HSD17B11: variants seen among roughly 807,000 people sequenced by gnomAD.
HSD17B11 encodes the protein hydroxysteroid 17-beta dehydrogenase 11, also known as estradiol 17-beta-dehydrogenase 11.
In HSD17B11, 22 loss-of-function variants were observed where a neutral mutation model predicts 27.8. The observed-to-expected ratio is 0.79, with a 90% CI of 0.56 to 1.13. The LOEUF is 1.13. HSD17B11 is among the 50% of genes most tolerant of loss of function. HSD17B11 has a pLI of 0.00. For synonymous variants in HSD17B11, 117 were observed against 132.8 expected, an observed-to-expected ratio of 0.88 and a Z score of 0.82; for missense variants, 314 against 351.1, an observed-to-expected ratio of 0.89 and a Z score of 0.84.
At chr4:87,344,741 C>T (rs936031866) in intron 5 of HSD17B11, among the ~76,000 whole-genome samples, 4 of 152,178 alleles carry the variant, frequency 2.6e-5, no homozygotes, top group Non-Finnish European at 5.9e-5. Context: ...GTAGACCATA[C>T]ATCAGACCAC....
At chr4:87,355,905 AAAAAAAC>A (rs1195865114) in intron 5 of HSD17B11, among the ~76,000 whole-genome samples, 3 of 114,336 alleles carry the variant, frequency 2.6e-5, no homozygotes, top group South Asian at 5.8e-4. Context: ...CCCTGTCTCA[AAAAAAAC>A]AAAAAACAAA....
intron 2 of HSD17B11, among the ~76,000 whole-genome samples, chr4:87,378,940 ATATATATT>A (rs1403300903): frequency 2.9e-4 from 5 of 17,244 alleles, no homozygotes; most frequent in African/African-American, 1.3e-3. Context: ...ATATATATAT[ATATATATT>A]TATATATATA....
intron 6 of HSD17B11, 123 bp from the exon 7 acceptor site, chr4:87,337,489 A>C: frequency 1.6e-6 from 1 of 616,488 alleles, no homozygotes. Context: ...AAGATTAAGC[A>C]TCTTAAATCT....
At chr4:87,380,856 T>A (rs1578046744) in intron 2 of HSD17B11, among the ~76,000 whole-genome samples, 3 of 83,042 alleles carry the variant, frequency 3.6e-5, no homozygotes, top group South Asian at 4.4e-4. Flanking sequence ...AGAGCTAGAC[T>A]CTATCTCAAA....
chr4:87,386,732 CT>C (rs1393672618), intron 1 of HSD17B11, among the ~76,000 whole-genome samples: 1 of 152,100 alleles, frequency 6.6e-6, no homozygotes, highest in East Asian at 1.9e-4. Flanking sequence ...CACCCATTAC[CT>C]TGATTACTAA....
At chr4:87,370,519 G>A (rs1055933239) in intron 4 of HSD17B11, among the ~76,000 whole-genome samples, 4 of 151,188 alleles carry the variant, frequency 2.6e-5, no homozygotes, top group Non-Finnish European at 5.9e-5. Context: ...AGGTTCAAGC[G>A]ATTCCCCTGC....
rs558321570 is a variant in HSD17B11 at position 87,382,265 on chromosome 4, G to A, written c.308C>T (p.Ser103Phe). Residue 103 changes from serine to phenylalanine, a missense_variant, in exon 2 of 7, where the codon TCT becomes TTT. Physicochemically the swap from Ser to Phe is radical, Grantham distance 155 (BLOSUM62 -2). Coordinates refer to ENST00000358290, the MANE Select transcript of HSD17B11 (RefSeq NM_016245.5). ...AACACAACATTTCACCTTCTTTGCAGAGCTGTAAATATCTTCTCGGTTGCT... is the reference window on the plus strand; with the variant it reads ...AACACAACATTTCACCTTCTTTGCAAAGCTGTAAATATCTTCTCGGTTGCT... ...DCSNREDIYS[S>F]AKKVKAEIGD... 1 of 1,611,552 alleles carries A rather than the reference G, an allele frequency of 6.2e-7. No homozygotes were observed. The highest frequency in any genetic ancestry group is 1.3e-5 in the African/African-American group (1 of 74,940).
intron 4 of HSD17B11, among the ~76,000 whole-genome samples, chr4:87,371,538 T>C (rs181124653): frequency 6.6e-5 from 10 of 152,318 alleles, no homozygotes; most frequent in Non-Finnish European, 1.0e-4. Flanking sequence ...TAGTAACTCA[T>C]TGAGCTGCAC....
At chr4:87,372,623 T>C (rs776337573) in intron 4 of HSD17B11, 86 bp downstream of exon 4, 5 of 814,302 alleles carry the variant, frequency 6.1e-6, no homozygotes, top group Non-Finnish European at 2.1e-6. Flanking sequence ...CTTATGATTA[T>C]AAAGAGAGTT....
chr4:87,388,319 C>T (rs1204484681), intron 1 of HSD17B11, among the ~76,000 whole-genome samples: 1 of 152,132 alleles, frequency 6.6e-6, no homozygotes, highest in Non-Finnish European at 1.5e-5. Flanking sequence ...CATGTATTTC[C>T]ACTCACAGTG....
intron 2 of HSD17B11, among the ~76,000 whole-genome samples, chr4:87,377,436 C>T (rs1235704572): frequency 6.9e-6 from 1 of 144,536 alleles, no homozygotes; most frequent in Non-Finnish European, 1.5e-5. Context: ...AGCGACAGAG[C>T]GAGACTCTGT....
At chr4:87,343,408 T>C (rs1280626378) in intron 5 of HSD17B11, among the ~76,000 whole-genome samples, 1 of 152,116 alleles carries the variant, frequency 6.6e-6, no homozygotes. Context: ...CAAGCCAATC[T>C]GCTGGGGTGG....
rs61465396 is a variant in HSD17B11 at position 87,357,950 on chromosome 4, T to A, written c.558-534A>T. On this transcript the variant is annotated intron_variant, in intron 4 of 6. Coordinates refer to ENST00000358290, the MANE Select transcript of HSD17B11 (RefSeq NM_016245.5). The stretch of plus-strand genomic sequence containing the variant: ...TGTAACTGAACATTCATTAGAGAAA[T>A]TTTTTTTTTTTTTTTTTTTTTTTTT... Among the ~76,000 whole-genome samples, 141 of 40,612 alleles carry A rather than the reference T, an allele frequency of 3.5e-3. 3 individuals carry two copies. Among genetic ancestry groups the A allele is most frequent in the African/African-American group, 0.022 (133 of 6,096 alleles). The allele number at this position is 40,612 out of a possible 152,430, so 26.6% of individuals were successfully genotyped here.
rs114720085 is a variant in HSD17B11, at chr4:87,364,202, G to A, written c.558-6786C>T. On this transcript the variant is annotated intron_variant, in intron 4 of 6. Transcript: ENST00000358290. ...CTATTAATGCTCACATGAAAGGCCC[G>A]TAGATAACTTCTGGTAGCTTGGGAC... 8.1e-3 allele frequency among the ~76,000 whole-genome samples: 1,194 copies of A among 148,258 alleles called. 16 individuals are homozygous for A. Among genetic ancestry groups the A allele is most frequent in the African/African-American group, 0.028 (1,137 of 40,192 alleles).
chr4:87,367,826 T>C (rs1315416832), intron 4 of HSD17B11, among the ~76,000 whole-genome samples: 2 of 152,214 alleles, frequency 1.3e-5, no homozygotes, highest in African/African-American at 4.8e-5. Flanking sequence ...AGCAACCCCA[T>C]ATCAGCTTGG....
At chr4:87,345,749 T>G (rs1377857674) in intron 5 of HSD17B11, among the ~76,000 whole-genome samples, 1 of 152,032 alleles carries the variant, frequency 6.6e-6, no homozygotes, top group African/African-American at 2.4e-5. Flanking sequence ...CTACCAAAAC[T>G]GACTCAAGGA....
chr4:87,347,022 T>C (rs908703375), intron 5 of HSD17B11, among the ~76,000 whole-genome samples: 1 of 151,386 alleles, frequency 6.6e-6, no homozygotes, highest in South Asian at 2.1e-4. Flanking sequence ...TATACCTTTA[T>C]AGTAAACAGT....
intron 4 of HSD17B11, among the ~76,000 whole-genome samples, chr4:87,360,043 AAT>A (rs1735476153): frequency 1.3e-5 from 2 of 152,364 alleles, no homozygotes; most frequent in Admixed American, 1.3e-4. Context: ...GGCATATAAA[AAT>A]GATTTACTTT....
At chr4:87,340,713 G>C (rs1735150845) in intron 5 of HSD17B11, 107 bp from the exon 6 acceptor site, 1 of 679,782 alleles carries the variant, frequency 1.5e-6, no homozygotes, top group Non-Finnish European at 2.6e-6. Context: ...TAACATAACT[G>C]ATTTGTAGTG....
Sources: gnomAD v4.1 joint callset for allele counts (sites outside exome capture counted in the v4.1 genomes callset) on GRCh38, gnomAD v4.1.1 for gene constraint, MANE v1.5 for transcripts, NCBI Gene and HGNC (gene_info 2026-07-23, HGNC 2026-07-21) for gene names.